Variants in ZNF600 observed in about 807,000 individuals in gnomAD.
The protein encoded by ZNF600 is zinc finger protein KR-ZNF1.
ZNF600 carries 4 observed loss-of-function variants against 7.3 expected under a neutral mutation model. The ratio of observed to expected loss-of-function variants is 0.55; its 90% CI spans 0.27 to 1.25. The LOEUF (loss-of-function observed/expected upper bound fraction) is 1.25, where lower values mean the gene tolerates loss of function less well. ZNF600 is among the 50% of genes most tolerant of loss of function. ZNF600 has a pLI of 0.12. For synonymous variants in ZNF600, 290 were observed against 308.9 expected, an observed-to-expected ratio of 0.94 and a Z score of 0.64; for missense variants, 911 against 922.1, an observed-to-expected ratio of 0.99 and a Z score of 0.16.
chr19:52,801,181 T>C, the ZNF600 span: 1 of 1,614,158 alleles, frequency 6.2e-7, no homozygotes, highest in South Asian at 1.1e-5. Flanking sequence ...TTAAAGGATT[T>C]GCCACTCTCA....
chr19:52,771,419 T>G (rs139962132), intron 3 of ZNF600, among the ~76,000 whole-genome samples: 3,424 of 152,098 alleles, frequency 0.023, 147 homozygotes, highest in African/African-American at 0.076. Context: ...CCTAAAGAGA[T>G]TCTCATGCCT....
At chr19:52,831,913 G>A in the ZNF600 span, among the ~76,000 whole-genome samples, 1 of 152,164 alleles carries the variant, frequency 6.6e-6, no homozygotes, top group African/African-American at 2.4e-5. Flanking sequence ...ACAGGCATAA[G>A]CCACCATGCC....
chr19:52,818,885 GAA>G, the ZNF600 span, among the ~76,000 whole-genome samples: 606 of 114,328 alleles, frequency 5.3e-3, 50 homozygotes, highest in African/African-American at 0.022. Flanking sequence ...GTCTGTTTGG[GAA>G]AAAAAAAAAA....
At chr19:52,780,818 T>C (rs1475202120) in intron 1 of ZNF600, 1 of 152,222 alleles carries the variant, frequency 6.6e-6, no homozygotes, top group Admixed American at 6.5e-5. Flanking sequence ...ATATTATAAA[T>C]TACAACACTT....
the ZNF600 span, among the ~76,000 whole-genome samples, chr19:52,792,300 A>AAC: frequency 6.6e-6 from 1 of 152,180 alleles, no homozygotes; most frequent in Admixed American, 6.5e-5. Flanking sequence ...GCCCCAAATC[A>AAC]CTAAGCAAAA....
the ZNF600 span, among the ~76,000 whole-genome samples, chr19:52,809,246 G>C: frequency 6.6e-6 from 1 of 152,144 alleles, no homozygotes; most frequent in Non-Finnish European, 1.5e-5. Context: ...TCAGATATCT[G>C]TAGTAATGCG....
At chr19:52,774,459 A>C in intron 3 of ZNF600, 116 bp downstream of exon 5, 1 of 268,030 alleles carries the variant, frequency 3.7e-6, no homozygotes, top group Non-Finnish European at 4.6e-6. Flanking sequence ...AAAAACAACC[A>C]AAAAAAAAAA....
In ZNF600 at chr19:52,786,792, G is replaced by C; in HGVS notation, c.-217C>G. The stretch of plus-strand genomic sequence containing the variant: ...TCCGGGTTTGTGCGCGCCCAGGACT[G>C]AAGCCAGGCCGGGGCAGGTTGGCTG... On this transcript the variant is annotated 5_prime_UTR_variant, in exon 1 of 4. Transcript: ENST00000648973. 2.7e-6 allele frequency: 1 copy of C among 373,662 alleles called. No homozygotes were observed. The highest frequency in any genetic ancestry group is 5.6e-6 in the Non-Finnish European group (1 of 177,602). 23.1% of individuals were successfully genotyped at this position (373,662 alleles called of 1,614,324 possible). A position where few individuals can be genotyped will look rare whatever the true frequency, so the allele number is the denominator to read the frequency against.
At chr19:52,818,268 A>G in the ZNF600 span, among the ~76,000 whole-genome samples, 1 of 152,242 alleles carries the variant, frequency 6.6e-6, no homozygotes, top group East Asian at 1.9e-4. Flanking sequence ...GGAAATCTCT[A>G]CCATAAATAC....
At chr19:52,768,574 G>A (rs1428242742) in intron 3 of ZNF600, among the ~76,000 whole-genome samples, 1 of 151,674 alleles carries the variant, frequency 6.6e-6, no homozygotes, top group African/African-American at 2.4e-5. Flanking sequence ...TTTTTGAGAT[G>A]GAGTCTTGCA....
the ZNF600 span, chr19:52,817,970 T>C: frequency 1.9e-6 from 3 of 1,610,744 alleles, no homozygotes; most frequent in Admixed American, 1.7e-5. Flanking sequence ...CCTGACTCCT[T>C]TGCTTTCCTC....
At chr19:52,783,481 C>T (rs534739028) in intron 1 of ZNF600, among the ~76,000 whole-genome samples, 3 of 152,250 alleles carry the variant, frequency 2.0e-5, no homozygotes, top group African/African-American at 7.2e-5. Context: ...CCTGCCTCAG[C>T]CTCCGGAGCA....
chr19:52,809,530 T>C, the ZNF600 span, among the ~76,000 whole-genome samples: 1 of 152,162 alleles, frequency 6.6e-6, no homozygotes, highest in Non-Finnish European at 1.5e-5. Flanking sequence ...ATTATGGGCC[T>C]GGCGCGGTGG....
At chr19:52,798,152 A>T in the ZNF600 span, 1 of 156,982 alleles carries the variant, frequency 6.4e-6, no homozygotes, top group Non-Finnish European at 1.4e-5. Flanking sequence ...AAGAAAAAAG[A>T]AAGAAAGAAT....
the ZNF600 span, among the ~76,000 whole-genome samples, chr19:52,816,484 G>A: frequency 6.9e-6 from 1 of 145,298 alleles, no homozygotes; most frequent in South Asian, 2.3e-4. Flanking sequence ...CTAACACGGT[G>A]AAACCCCGTC....
upstream of ZNF600, among the ~76,000 whole-genome samples, chr19:52,789,710 G>A (rs928730745): frequency 3.3e-5 from 5 of 152,106 alleles, no homozygotes; most frequent in African/African-American, 1.2e-4. Flanking sequence ...TATGATTGCA[G>A]CACTGTACTC....
the ZNF600 span, among the ~76,000 whole-genome samples, chr19:52,795,517 G>A: frequency 6.6e-6 from 1 of 152,066 alleles, no homozygotes; most frequent in Non-Finnish European, 1.5e-5. Flanking sequence ...GGAAAACAAT[G>A]ATGTGACTTC....
At chr19:52,809,945 G>T in the ZNF600 span, 1 of 830,800 alleles carries the variant, frequency 1.2e-6, no homozygotes, top group Non-Finnish European at 2.0e-6. Flanking sequence ...AGGTTGCCCC[G>T]GGGGGCGCAG....
At chr19:52,780,620 CG>C (rs2062712659) in intron 1 of ZNF600, 1 of 151,966 alleles carries the variant, frequency 6.6e-6, no homozygotes, top group Non-Finnish European at 1.5e-5. Flanking sequence ...CCCAGCTACT[CG>C]GGAGTCTGAG....
Sources: allele counts gnomAD v4.1 joint callset (sites outside exome capture counted in the v4.1 genomes callset), GRCh38; gene constraint gnomAD v4.1.1; transcripts MANE v1.5; gene names NCBI Gene and HGNC (gene_info 2026-07-23, HGNC 2026-07-21).